The following LRBA variants were observed in gnomAD, a reference collection of about 807,000 sequenced individuals.
The protein encoded by LRBA is LPS responsive beige-like anchor protein, also known as lipopolysaccharide-responsive and beige-like anchor protein.
A neutral mutation model predicts 330.0 loss-of-function variants in LRBA; 176 were observed. The ratio of observed to expected loss-of-function variants is 0.53; its 90% confidence interval spans 0.47 to 0.60. The LOEUF is 0.60. Ranked by LOEUF, LRBA falls within the 20% of genes least tolerant of loss-of-function variation. LRBA has a pLI of 0.00. For synonymous variants in LRBA, 1,230 were observed against 1,193.0 expected, an observed-to-expected ratio of 1.03 and a Z score of -0.64; for missense variants, 3,259 against 3,444.8, an observed-to-expected ratio of 0.95 and a Z score of 1.35.
intron 20 of LRBA, among the ~76,000 whole-genome samples, chr4:150,869,297 G>A (rs1252738290): frequency 6.6e-6 from 1 of 152,008 alleles, no homozygotes; most frequent in African/African-American, 2.4e-5. Context: ...AAACCCAAAG[G>A]AAATTAAAAC....
intron 37 of LRBA, among the ~76,000 whole-genome samples, chr4:150,662,958 T>TAAAAC (rs965889899): frequency 2.0e-5 from 3 of 151,686 alleles, no homozygotes; most frequent in Admixed American, 6.6e-5. Context: ...CCCTATCTCT[T>TAAAAC]AAAACAAAAC....
At chr4:150,384,045 T>A (rs1334893799) in intron 47 of LRBA, among the ~76,000 whole-genome samples, 2 of 151,964 alleles carry the variant, frequency 1.3e-5, no homozygotes, top group African/African-American at 4.8e-5. Flanking sequence ...TATTTATTTA[T>A]TTATTTATTT....
intron 40 of LRBA, among the ~76,000 whole-genome samples, chr4:150,505,981 C>T (rs1298314307): frequency 6.6e-6 from 1 of 152,154 alleles, no homozygotes; most frequent in African/African-American, 2.4e-5. Context: ...ATCTAGAAGA[C>T]ATGGATAAAT....
intron 40 of LRBA, among the ~76,000 whole-genome samples, chr4:150,550,389 C>G (rs1581646789): frequency 1.3e-5 from 2 of 152,032 alleles, no homozygotes; most frequent in South Asian, 4.2e-4. Context: ...AAAAATGGAT[C>G]TAGGAAAATT....
intron 46 of LRBA, among the ~76,000 whole-genome samples, chr4:150,424,566 G>A (rs149857232): frequency 1.3e-5 from 2 of 152,338 alleles, no homozygotes; most frequent in Non-Finnish European, 2.9e-5. Context: ...GGAAACCATG[G>A]TGCCTTGGAC....
intron 8 of LRBA, 105 bp downstream of exon 8, chr4:150,915,503 T>C: frequency 3.1e-6 from 3 of 976,896 alleles, no homozygotes; most frequent in South Asian, 1.8e-5. Flanking sequence ...AATCTACCAT[T>C]GTAATACTTT....
chr4:150,778,770 C>T (rs897310511), intron 34 of LRBA, among the ~76,000 whole-genome samples: 4 of 152,138 alleles, frequency 2.6e-5, no homozygotes, highest in Non-Finnish European at 4.4e-5. Context: ...TATTAGTACA[C>T]GGTCAGTCTG....
intron 17 of LRBA, among the ~76,000 whole-genome samples, chr4:150,877,361 A>C (rs937329524): frequency 1.3e-5 from 2 of 152,192 alleles, no homozygotes; most frequent in Non-Finnish European, 2.9e-5. Flanking sequence ...GAACAGAGAA[A>C]AAGAGCAGGT....
At chr4:150,947,395 T>C (rs1017711413) in intron 2 of LRBA, among the ~76,000 whole-genome samples, 1 of 151,996 alleles carries the variant, frequency 6.6e-6, no homozygotes, top group African/African-American at 2.4e-5. Flanking sequence ...AATCAATTAA[T>C]GTAATCCACC....
chr4:150,285,270 G>T (rs1212550658), intron 54 of LRBA, among the ~76,000 whole-genome samples: 1 of 152,206 alleles, frequency 6.6e-6, no homozygotes, highest in Non-Finnish European at 1.5e-5. Flanking sequence ...CAGAGAGATG[G>T]ATAGACTATT....
chr4:150,335,510 C>CGT lies in LRBA; in HGVS notation c.7363-9613_7363-9612insAC, dbSNP rs1734587389. Among the ~76,000 whole-genome samples the CGT allele has an allele frequency of 2.7e-5, 4 of 145,572 alleles. No homozygotes were observed. The East Asian group carries it at 8.0e-4, about 29-fold the overall frequency. The stretch of plus-strand genomic sequence containing the variant: ...GTGTGTGTATATATATATACACACA[C>CGT]ATATACGTATTATATATGTGTGTAT... On this transcript the variant is annotated intron_variant, in intron 48 of 56. Transcript: ENST00000651943.
intron 55 of LRBA, 28 bp downstream of exon 55, chr4:150,282,422 A>T (rs775696252): frequency 2.5e-5 from 40 of 1,594,196 alleles, no homozygotes; most frequent in Non-Finnish European, 3.0e-5. Context: ...AAAAGTCGTG[A>T]ATGCTGAAGA....
In LRBA at chr4:150,461,527, A is replaced by G. The variant is rs1012506364; in HGVS notation, c.6780+6146T>C. The stretch of plus-strand genomic sequence containing the variant: ...TACGTGCAACTTGACCTCATGGTGC[A>G]TTAGTTTCTGCCTCTGTAAAAAACA... On this transcript the variant is annotated intron_variant, in intron 44 of 56. Transcript: ENST00000651943. 3.3e-5 allele frequency among the ~76,000 whole-genome samples: 5 copies of G among 151,810 alleles called. No individual in the cohort carries two copies. In the South Asian group the frequency reaches 8.3e-4, roughly 25 times the overall value.
chr4:150,514,770 T>C (rs1448982717), intron 40 of LRBA, among the ~76,000 whole-genome samples: 3 of 152,216 alleles, frequency 2.0e-5, no homozygotes, highest in Non-Finnish European at 2.9e-5. Flanking sequence ...ATCCGAAGTA[T>C]ATTAACTTAT....
intron 40 of LRBA, among the ~76,000 whole-genome samples, chr4:150,549,245 T>C (rs1766252977): frequency 6.6e-6 from 1 of 152,048 alleles, no homozygotes; most frequent in African/African-American, 2.4e-5. Flanking sequence ...TTTTAGTTCG[T>C]ACTGATTTCT....
At chr4:150,755,940 G>C (rs1734229255) in intron 35 of LRBA, among the ~76,000 whole-genome samples, 1 of 151,640 alleles carries the variant, frequency 6.6e-6, no homozygotes. Flanking sequence ...CAGATACTTA[G>C]GAGGCTGAGG....
chr4:150,835,431 C>T (rs946059207), intron 28 of LRBA, among the ~76,000 whole-genome samples: 2 of 152,168 alleles, frequency 1.3e-5, no homozygotes, highest in Non-Finnish European at 2.9e-5. Context: ...TTCTTCCTAT[C>T]CATGAGCATG....
At chr4:150,489,485 TATATA>T (rs1335240031) in intron 41 of LRBA, among the ~76,000 whole-genome samples, 3 of 89,526 alleles carry the variant, frequency 3.4e-5, no homozygotes, top group South Asian at 3.5e-4. Context: ...TATATAAGAA[TATATA>T]ATATATTATA....
intron 13 of LRBA, among the ~76,000 whole-genome samples, chr4:150,903,199 A>C (rs940343208): frequency 6.6e-6 from 1 of 151,754 alleles, no homozygotes; most frequent in African/African-American, 2.4e-5. Flanking sequence ...CTAAACAACA[A>C]AGCAAGACCC....
Sources: allele counts gnomAD v4.1 joint callset (sites outside exome capture counted in the v4.1 genomes callset), GRCh38; gene constraint gnomAD v4.1.1; transcripts MANE v1.5; gene names NCBI Gene and HGNC (gene_info 2026-07-23, HGNC 2026-07-21).